The following CUX2 variants were observed in gnomAD, a reference collection of about 807,000 sequenced individuals.
CUX2 encodes homeobox protein cut-like 2.
In CUX2, 40 loss-of-function variants were observed where a neutral mutation model predicts 144.8. The observed-to-expected ratio is 0.28, with a 90% CI of 0.21 to 0.36. The LOEUF (loss-of-function observed/expected upper bound fraction) is 0.36. Ranked by LOEUF, CUX2 falls within the 10% of genes least tolerant of loss-of-function variation. The pLI, the probability that CUX2 is intolerant of heterozygous loss-of-function variation, is 1.00. For missense variants in CUX2, 1,615 were observed against 1,994.0 expected (o/e 0.81, Z 3.62); for synonymous variants, 827 against 875.6 (o/e 0.94, Z 0.98).
intron 16 of CUX2, among the ~76,000 whole-genome samples, chr12:111,313,447 C>G (rs1027632500): frequency 6.6e-6 from 1 of 151,336 alleles, no homozygotes; most frequent in African/African-American, 2.4e-5. Flanking sequence ...AGAGACAAGC[C>G]TGCCCAACAT....
rs563744706 is a variant in CUX2 at position 111,057,297 on chromosome 12, C to G, written c.63+23057C>G. Among the ~76,000 whole-genome samples the G allele has an allele frequency of 4.0e-5, 6 of 151,728 alleles. No homozygotes were observed. In the East Asian group the frequency reaches 1.2e-3, roughly 30 times the overall value. ...AAGCTGGAGTGGATGTTACAGGAAG[C>G]TGTGTGAGGGCAATGGGTGTGGCAG... is the stretch of plus-strand genomic sequence containing the variant. On this transcript the variant is annotated intron_variant, in intron 1 of 21. Coordinates refer to ENST00000261726, the MANE Select transcript of CUX2 (RefSeq NM_015267.4). This position sits in a 1 kb window ranked among gnomAD's most constrained non-coding sequence, Gnocchi z 5.1.
At chr12:111,130,711 T>A (rs1454766814) in intron 1 of CUX2, among the ~76,000 whole-genome samples, 1 of 152,242 alleles carries the variant, frequency 6.6e-6, no homozygotes, top group Non-Finnish European at 1.5e-5. Context: ...GTCTTCAATC[T>A]CTTCCTTTTA....
At chr12:111,281,473 A>G (rs1326072800) in intron 4 of CUX2, among the ~76,000 whole-genome samples, 1 of 152,234 alleles carries the variant, frequency 6.6e-6, no homozygotes, top group African/African-American at 2.4e-5. Flanking sequence ...CTATGGTCCC[A>G]CTGAGCACCT....
chr12:111,249,400 C>CTT lies in CUX2; in HGVS notation c.223-14339_223-14338dup, dbSNP rs778334868. Among the ~76,000 whole-genome samples, 132 of 80,100 alleles carry CTT rather than the reference C, an allele frequency of 1.6e-3. 2 individuals carry two copies. Among genetic ancestry groups the CTT allele is most frequent in the African/African-American group, 4.9e-3 (105 of 21,424 alleles). The allele number at this position is 80,100 out of a possible 152,430, so 52.5% of individuals were successfully genotyped here. A position where few individuals can be genotyped will look rare whatever the true frequency, so the allele number is the denominator to read the frequency against. On this transcript the variant is annotated intron_variant, in intron 3 of 21. Coordinates refer to ENST00000261726, the MANE Select transcript of CUX2 (RefSeq NM_015267.4). ...GAGAAAAAGTCCCGGGTGCTATTGC[C>CTT]TTTTTTTTTTTTTTTTTTTTTTTAA...
chr12:111,236,170 G>A (rs982785598), intron 3 of CUX2, among the ~76,000 whole-genome samples: 1 of 152,200 alleles, frequency 6.6e-6, no homozygotes, highest in Non-Finnish European at 1.5e-5. Context: ...AGATGCTCAA[G>A]AAATGATCCT....
intron 3 of CUX2, among the ~76,000 whole-genome samples, chr12:111,240,855 T>C (rs1052059830): frequency 2.0e-5 from 3 of 152,168 alleles, no homozygotes; most frequent in African/African-American, 7.2e-5. Flanking sequence ...ACAGAAATGT[T>C]AGGTATCTAT....
At chr12:111,177,255 AC>A (rs1878912444) in intron 1 of CUX2, among the ~76,000 whole-genome samples, 1 of 151,946 alleles carries the variant, frequency 6.6e-6, no homozygotes, top group Admixed American at 6.6e-5. Flanking sequence ...AGAGCCTGAG[AC>A]CCCAAAAGCA....
intron 3 of CUX2, among the ~76,000 whole-genome samples, chr12:111,218,716 T>G (rs1881687252): frequency 6.6e-6 from 1 of 152,098 alleles, no homozygotes; most frequent in Non-Finnish European, 1.5e-5. Flanking sequence ...AACCAGAAAT[T>G]CTTTGCACCA....
chr12:111,052,047 T>C (rs773619712), intron 1 of CUX2, among the ~76,000 whole-genome samples: 1 of 152,194 alleles, frequency 6.6e-6, no homozygotes, highest in Non-Finnish European at 1.5e-5. Flanking sequence ...TTCTTGATCC[T>C]GAGCCACATT....
intron 3 of CUX2, among the ~76,000 whole-genome samples, chr12:111,232,124 T>C (rs1278059533): frequency 1.3e-5 from 2 of 151,910 alleles, no homozygotes; most frequent in East Asian, 1.9e-4. Flanking sequence ...ACTCAATCAG[T>C]GTCATACAGA....
intron 1 of CUX2, among the ~76,000 whole-genome samples, chr12:111,062,247 T>C (rs530709745): frequency 8.5e-5 from 13 of 152,300 alleles, no homozygotes; most frequent in African/African-American, 3.1e-4. Flanking sequence ...TAGAGATAGA[T>C]GTGTATCATA....
At chr12:111,280,153 G>A (rs961572974) in intron 4 of CUX2, among the ~76,000 whole-genome samples, 2 of 152,012 alleles carry the variant, frequency 1.3e-5, no homozygotes, top group East Asian at 1.9e-4. Flanking sequence ...GCTGGGCATC[G>A]TGGCTTACGC....
intron 2 of CUX2, among the ~76,000 whole-genome samples, chr12:111,216,590 A>G (rs925790432): frequency 3.9e-5 from 6 of 152,214 alleles, no homozygotes; most frequent in African/African-American, 1.2e-4. Flanking sequence ...ACGCCACCCC[A>G]TCGGTGGGGG....
At chr12:111,326,670 G>C (rs929847396) in intron 18 of CUX2, among the ~76,000 whole-genome samples, 1 of 151,992 alleles carries the variant, frequency 6.6e-6, no homozygotes, top group Admixed American at 6.6e-5. Flanking sequence ...TTGGGAGGCC[G>C]AGGCGGGCCG....
intron 1 of CUX2, chr12:111,099,766 C>T (rs147598676): frequency 0.023 from 10,239 of 443,076 alleles, 168 homozygotes; most frequent in Middle Eastern, 0.088. Context: ...AAATCAGACC[C>T]AGGCAGCCTG....
At chr12:111,147,250 A>C (rs947549458) in intron 1 of CUX2, among the ~76,000 whole-genome samples, 1 of 152,252 alleles carries the variant, frequency 6.6e-6, no homozygotes, top group Admixed American at 6.5e-5. Context: ...GTAGATGCTA[A>C]CAAAGCTGGA....
At chr12:111,184,422 C>T (rs2136185557) in intron 1 of CUX2, among the ~76,000 whole-genome samples, 1 of 152,042 alleles carries the variant, frequency 6.6e-6, no homozygotes, top group East Asian at 1.9e-4. Flanking sequence ...ACCTAAGTGA[C>T]TGAATAGATA....
At chr12:111,147,304 G>A (rs1876744679) in intron 1 of CUX2, among the ~76,000 whole-genome samples, 1 of 152,176 alleles carries the variant, frequency 6.6e-6, no homozygotes, top group Non-Finnish European at 1.5e-5. Context: ...GCAGTGTTTG[G>A]GGAGGGGAGA....
chr12:111,147,934 A>G (rs920302476), intron 1 of CUX2, among the ~76,000 whole-genome samples: 4 of 152,236 alleles, frequency 2.6e-5, no homozygotes, highest in Non-Finnish European at 5.9e-5. Flanking sequence ...GCCTAGCTCT[A>G]GAAATACTGC....
Sources: allele counts gnomAD v4.1 joint callset (sites outside exome capture counted in the v4.1 genomes callset), GRCh38; gene constraint gnomAD v4.1.1; non-coding constraint Gnocchi (gnomAD v3.1); transcripts MANE v1.5; gene names NCBI Gene and HGNC (gene_info 2026-07-23, HGNC 2026-07-21).